The following ABI2 variants were observed in gnomAD, a reference collection of about 807,000 sequenced individuals.
ABI2 encodes abl interactor 2, also known as abelson interactor 2.
A neutral mutation model predicts 59.2 loss-of-function variants in ABI2; 25 were observed. The observed-to-expected ratio is 0.42, with a 90% CI of 0.31 to 0.59. The LOEUF (loss-of-function observed/expected upper bound fraction) is 0.59. Among genes scored for constraint, ABI2 ranks in the 20% least tolerant of loss-of-function variants. ABI2 has a pLI of 0.14. For missense variants in ABI2, 545 were observed against 681.8 expected (o/e 0.80, Z 2.23); for synonymous variants, 213 against 235.5 (o/e 0.90, Z 0.87).
chr2:203,337,250 A>G (rs1338714853), intron 1 of ABI2, among the ~76,000 whole-genome samples: 1 of 152,200 alleles, frequency 6.6e-6, no homozygotes, highest in Non-Finnish European at 1.5e-5. Flanking sequence ...ACAAAACCCT[A>G]AAGACTCCAC....
At chr2:203,361,611 TAAAA>T (rs922417996) in intron 1 of ABI2, among the ~76,000 whole-genome samples, 1 of 151,660 alleles carries the variant, frequency 6.6e-6, no homozygotes, top group Non-Finnish European at 1.5e-5. Flanking sequence ...GAATGAAAAC[TAAAA>T]AAAAGGAGAA....
intron 1 of ABI2, among the ~76,000 whole-genome samples, chr2:203,336,462 T>A (rs1277639571): frequency 1.3e-5 from 2 of 152,206 alleles, no homozygotes; most frequent in East Asian, 3.8e-4. Context: ...TGCGAGGACC[T>A]TATGTGAAGC....
intron 2 of ABI2, among the ~76,000 whole-genome samples, chr2:203,377,574 T>G (rs1275101657): frequency 6.6e-6 from 1 of 152,218 alleles, no homozygotes; most frequent in African/African-American, 2.4e-5. Context: ...GAAATGGTAT[T>G]TCTAGCCCAT....
In ABI2 at chr2:203,340,535, T is replaced by A. The variant is rs762594444; in HGVS notation, c.117+11904T>A. Among the ~76,000 whole-genome samples, 129 of 152,072 alleles carry A rather than the reference T, an allele frequency of 8.5e-4. 1 individual carries two copies. The highest frequency in any genetic ancestry group is 1.5e-3 in the Non-Finnish European group (105 of 67,968). ...GTGTGTACCACCACACATGGCTAAT[T>A]TTTGTAGTGACGGGGTTTCGCCCTG... On this transcript the variant is annotated intron_variant, in intron 1 of 11. Transcript: ENST00000261018.
At chr2:203,422,664 G>T (rs1263747145) in intron 11 of ABI2, among the ~76,000 whole-genome samples, 1 of 152,096 alleles carries the variant, frequency 6.6e-6, no homozygotes, top group Non-Finnish European at 1.5e-5. Flanking sequence ...ATTAGACAAA[G>T]AACTGAGAAG....
chr2:203,378,205 T>C (rs887100931), intron 2 of ABI2, among the ~76,000 whole-genome samples: 60 of 151,974 alleles, frequency 3.9e-4, no homozygotes, highest in Admixed American at 1.0e-3. Flanking sequence ...CTCTGCCTCC[T>C]GGGTTCACGC....
chr2:203,383,318 C>T (rs1487212749), intron 4 of ABI2: 1 of 154,756 alleles, frequency 6.5e-6, no homozygotes, highest in South Asian at 2.0e-4. Context: ...AATCCTCAGT[C>T]ATGGTGAGTA....
intron 8 of ABI2, among the ~76,000 whole-genome samples, chr2:203,397,847 G>A (rs2153419428): frequency 6.6e-6 from 1 of 152,238 alleles, no homozygotes; most frequent in Non-Finnish European, 1.5e-5. Context: ...AAGGCGGGAG[G>A]TGCTACACAC....
At chr2:203,384,298 T>TTG (rs1559289184) in intron 4 of ABI2, among the ~76,000 whole-genome samples, 8 of 128,054 alleles carry the variant, frequency 6.2e-5, no homozygotes, top group Admixed American at 7.7e-5. Flanking sequence ...TTGTTTTTTT[T>TTG]TTTTTTTTTT....
At chr2:203,356,939 G>T (rs542394990) in intron 1 of ABI2, among the ~76,000 whole-genome samples, 1 of 151,858 alleles carries the variant, frequency 6.6e-6, no homozygotes, top group Non-Finnish European at 1.5e-5. Flanking sequence ...TCTTTTTTGT[G>T]GGGGAGGGAA....
chr2:203,334,372 T>C lies in ABI2; in HGVS notation c.117+5741T>C, dbSNP rs146496300. Among the ~76,000 whole-genome samples the C allele has an allele frequency of 2.6e-3, 395 of 152,302 alleles. 2 individuals carry two copies. Among genetic ancestry groups the C allele is most frequent in the East Asian group, 0.013 (65 of 5,178 alleles). ...AATTGGTTTACTTATGTGTAAAATA[T>C]GTAGTAGAGATATTTTTGAGCATGA... On this transcript the variant is annotated intron_variant, in intron 1 of 11. Coordinates refer to ENST00000261018, the MANE Select transcript of ABI2 (RefSeq NM_001375670.1).
intron 2 of ABI2, among the ~76,000 whole-genome samples, chr2:203,378,314 T>C (rs1459062111): frequency 2.0e-5 from 3 of 152,122 alleles, no homozygotes; most frequent in Admixed American, 1.3e-4. Flanking sequence ...GGTTTCACCG[T>C]GTTAGCCAGG....
In ABI2 at chr2:203,395,640, G is replaced by A. The variant is rs187202879; in HGVS notation, c.726-16G>A. 9 of 1,600,526 alleles carry A rather than the reference G, an allele frequency of 5.6e-6. No homozygotes were observed. Among genetic ancestry groups the A allele is most frequent in the Non-Finnish European group, 7.7e-6 (9 of 1,174,198 alleles). ...GTTTATAAATACTCATGTTTTGGTG[G>A]CTCTTATTTCTTTAGCAGCAGTGGG... On this transcript the variant is annotated splice_polypyrimidine_tract_variant and intron_variant, in intron 6 of 11. Coordinates refer to ENST00000261018, the MANE Select transcript of ABI2 (RefSeq NM_001375670.1).
chr2:203,329,773 G>T (rs1575395372), intron 1 of ABI2, among the ~76,000 whole-genome samples: 1 of 149,770 alleles, frequency 6.7e-6, no homozygotes, highest in African/African-American at 2.5e-5. Flanking sequence ...ACCTCGTTCT[G>T]TAGTCCAGGT....
At chr2:203,355,341 AAAAAT>A in intron 1 of ABI2, 1 of 191,046 alleles carries the variant, frequency 5.2e-6, no homozygotes, top group South Asian at 9.3e-5. Context: ...TGTTTCTACT[AAAAAT>A]AAAATAAAAA....
At chr2:203,399,150 T>G (rs2097122020) in intron 8 of ABI2, among the ~76,000 whole-genome samples, 1 of 152,202 alleles carries the variant, frequency 6.6e-6, no homozygotes, top group Non-Finnish European at 1.5e-5. Flanking sequence ...CTGTATAATT[T>G]TACACTCCCA....
chr2:203,382,829 C>T (rs1162590789), intron 4 of ABI2, among the ~76,000 whole-genome samples: 4 of 151,166 alleles, frequency 2.6e-5, no homozygotes, highest in Admixed American at 2.0e-4. Flanking sequence ...GAATATATTT[C>T]AATATAAACT....
chr2:203,331,161 C>T (rs2073082595), intron 1 of ABI2, among the ~76,000 whole-genome samples: 1 of 151,956 alleles, frequency 6.6e-6, no homozygotes, highest in African/African-American at 2.4e-5. Context: ...TTGGTACACT[C>T]TCAGGATGAT....
Position 203,340,716 on chromosome 2 carries a change from T to C in ABI2, c.117+12085T>C, listed in dbSNP as rs2079358208. Among the ~76,000 whole-genome samples the C allele has an allele frequency of 2.0e-5, 3 of 152,216 alleles. No individual in the cohort carries two copies. In the South Asian group the frequency reaches 6.2e-4, roughly 32 times the overall value. On this transcript the variant is annotated intron_variant, in intron 1 of 11. Transcript: ENST00000261018. ...GCTCCCACCAAAGATAATCAAGAAA[T>C]GATTATCTTGATTGTGATAACCATT...
Sources: allele counts gnomAD v4.1 joint callset (sites outside exome capture counted in the v4.1 genomes callset), GRCh38; gene constraint gnomAD v4.1.1; transcripts MANE v1.5; gene names NCBI Gene and HGNC (gene_info 2026-07-23, HGNC 2026-07-21).